USP36: variants seen among roughly 807,000 people sequenced by gnomAD.
The protein encoded by USP36 is ubiquitin carboxyl-terminal hydrolase 36.
Under a neutral mutation model 111.5 loss-of-function variants are expected in USP36, and 59 were observed. The observed-to-expected ratio is 0.53, with a 90% CI of 0.43 to 0.66. USP36 has a LOEUF of 0.66. USP36 is among the 30% of genes least tolerant of loss of function. The probability of loss-of-function intolerance (pLI) is 0.00; values close to 1 mark genes in which losing one functional copy is unlikely to be tolerated. For missense variants in USP36, 1,488 were observed against 1,468.0 expected (o/e 1.01, Z -0.22); for synonymous variants, 628 against 581.0 (o/e 1.08, Z -1.16).
intron 4 of USP36, among the ~76,000 whole-genome samples, chr17:78,829,209 G>A (rs754935178): frequency 2.6e-5 from 4 of 152,284 alleles, no homozygotes; most frequent in African/African-American, 9.6e-5. Context: ...GCTGGATGGC[G>A]TTTGGAAGCT....
chr17:78,806,917 C>G, intron 14 of USP36, 42 bp downstream of exon 14: 2 of 1,594,854 alleles, frequency 1.3e-6, no homozygotes, highest in Middle Eastern at 1.8e-4. Context: ...ACTCTTGGAG[C>G]TCTCCTGATA....
At chr17:78,824,068 A>AGT (rs1317924379) in intron 6 of USP36, among the ~76,000 whole-genome samples, 1 of 152,230 alleles carries the variant, frequency 6.6e-6, no homozygotes, top group African/African-American at 2.4e-5. Context: ...ACACAGTGAG[A>AGT]GTGGCCTCAT....
At chr17:78,827,723 G>C (rs1007607548) in intron 5 of USP36, among the ~76,000 whole-genome samples, 4 of 151,960 alleles carry the variant, frequency 2.6e-5, no homozygotes, top group African/African-American at 9.7e-5. Context: ...GGTAACATAG[G>C]GAGACTTCAT....
At chr17:78,807,863 C>T (rs1013870730) in intron 13 of USP36, among the ~76,000 whole-genome samples, 1 of 152,208 alleles carries the variant, frequency 6.6e-6, no homozygotes, top group Non-Finnish European at 1.5e-5. Flanking sequence ...ACCACCACAC[C>T]TGGCTAATTT....
At chr17:78,790,011 T>C (rs1176020281) in intron 3 of USP36, among the ~76,000 whole-genome samples, 1 of 152,112 alleles carries the variant, frequency 6.6e-6, no homozygotes, top group African/African-American at 2.4e-5. Context: ...ATTCAACAAA[T>C]ATTTACCGGG....
chr17:78,794,463 G>A (rs2093606892), downstream of USP36, among the ~76,000 whole-genome samples: 1 of 152,188 alleles, frequency 6.6e-6, no homozygotes, highest in Non-Finnish European at 1.5e-5. Context: ...CAGAGCTCAT[G>A]ACAGGCTCCT....
chr17:78,839,965 A>G (rs2069099614), intron 1 of USP36, among the ~76,000 whole-genome samples: 1 of 152,200 alleles, frequency 6.6e-6, no homozygotes, highest in Non-Finnish European at 1.5e-5. Flanking sequence ...TCACTTTTCC[A>G]GGATGAACTG....
downstream of USP36, among the ~76,000 whole-genome samples, chr17:78,793,778 G>C (rs934918908): frequency 6.6e-6 from 1 of 152,148 alleles, no homozygotes; most frequent in East Asian, 1.9e-4. Context: ...AGCCCTAACA[G>C]TATGTTAGGG....
chr17:78,824,317 G>A (rs998558980), intron 6 of USP36, among the ~76,000 whole-genome samples: 2 of 152,232 alleles, frequency 1.3e-5, no homozygotes, highest in Non-Finnish European at 2.9e-5. Context: ...AAAGAGCTAG[G>A]AAGTAAAGGG....
At position 78,798,234 on chromosome 17, in the gene USP36, C is replaced by T; in HGVS notation, c.*20+166G>A. On this transcript the variant is annotated intron_variant, in intron 20 of 20. Coordinates refer to ENST00000449938, the MANE Select transcript of USP36 (RefSeq NM_001385174.1). This position sits in a 1 kb window ranked among gnomAD's most constrained non-coding sequence, Gnocchi z 5.1. ...CACACCCTTCTCCAAGTGACTAGGA[C>T]ACACACCACAGACGCGCCCACACCA... is the stretch of plus-strand genomic sequence containing the variant. 1.2e-6 allele frequency: 1 copy of T among 849,996 alleles called. No homozygotes were observed. The highest frequency in any genetic ancestry group is 1.8e-6 in the Non-Finnish European group (1 of 563,092). The allele number at this position is 849,996 out of a possible 1,614,324, so 52.7% of individuals were successfully genotyped here.
Position 78,806,266 on chromosome 17 carries a change from C to A in USP36, c.2106G>T (p.Ala702=). Residue 702 remains alanine, a synonymous_variant, in exon 15 of 21, where the codon GCG becomes GCT. Coordinates refer to ENST00000449938, the MANE Select transcript of USP36 (RefSeq NM_001385174.1). ...GAGGTGGACGGAGGTCATTGCCGGT[C>A]GCCCTCCACAGGGTGCTGGCCTGCA... ...SAKKASTLWR[A]TGNDLRPPPP... is the part of the protein sequence containing the mutation. 1 of 1,613,670 alleles carries A rather than the reference C, an allele frequency of 6.2e-7. No homozygotes were observed. Among genetic ancestry groups the A allele is most frequent in the South Asian group, 1.1e-5 (1 of 91,056 alleles).
At chr17:78,829,402 G>T (rs974072000) in intron 4 of USP36, among the ~76,000 whole-genome samples, 5 of 152,168 alleles carry the variant, frequency 3.3e-5, no homozygotes, top group Admixed American at 1.3e-4. Flanking sequence ...TGCATCACAT[G>T]GTAAATAGGC....
intron 1 of USP36, among the ~76,000 whole-genome samples, chr17:78,840,186 C>G (rs1397841241): frequency 6.6e-6 from 1 of 152,286 alleles, no homozygotes; most frequent in East Asian, 1.9e-4. Flanking sequence ...CGGAGTCTCC[C>G]CTCTCGTGTG....
rs373221256 is a variant in USP36, at chr17:78,803,727, A to G, written c.2468T>C (p.Leu823Pro). 1 of 1,611,944 alleles carries G rather than the reference A, an allele frequency of 6.2e-7. No individual in the cohort carries two copies. The highest frequency in any genetic ancestry group is 1.3e-5 in the African/African-American group (1 of 74,874). Residue 823 changes from leucine (L) to proline (P), a missense_variant, in exon 16 of 21, where the codon CTG becomes CCG. Around this residue, in one of 3 missense-constraint regions of USP36, gnomAD observed 1,073 missense variants for 994.1 expected, o/e 1.08. Transcript: ENST00000449938. The surrounding 1 kb of genome is among the most constrained non-coding windows in gnomAD (Gnocchi z 4.6). ...KKTFVGEPQR[L>P]GSETRLPQHI... ...CTGTGGGAGGCGCGTCTCTGAGCCC[A>G]GCCTCTGCGGCTCTCCCACAAAGGT...
rs892198027 is a variant in USP36 at position 78,826,952 on chromosome 17, T to A, written c.689+293A>T. ...CCCCTAAGAAGGTCTGCTAACATATTTCCCCCTGACTGAGCTGCTCAGACA... is the reference window on the plus strand; with the variant it reads ...CCCCTAAGAAGGTCTGCTAACATATATCCCCCTGACTGAGCTGCTCAGACA... On this transcript the variant is annotated intron_variant, in intron 6 of 20. Transcript: ENST00000449938. 3.3e-5 allele frequency: 20 copies of A among 607,858 alleles called. No individual in the cohort carries two copies. In the East Asian group the frequency reaches 5.5e-4, roughly 17 times the overall value. The allele number at this position is 607,858 out of a possible 1,614,324, so 37.7% of individuals were successfully genotyped here. A position where few individuals can be genotyped will look rare whatever the true frequency, so the allele number is the denominator to read the frequency against.
At chr17:78,810,531 C>T (rs911090587) in intron 13 of USP36, among the ~76,000 whole-genome samples, 4 of 152,148 alleles carry the variant, frequency 2.6e-5, no homozygotes, top group Non-Finnish European at 4.4e-5. Flanking sequence ...CTTCCCACAT[C>T]GGCTTCCCAA....
intron 13 of USP36, among the ~76,000 whole-genome samples, chr17:78,809,194 A>G (rs1474531887): frequency 6.6e-6 from 1 of 152,168 alleles, no homozygotes; most frequent in Non-Finnish European, 1.5e-5. Flanking sequence ...GTTTGTAGTA[A>G]ATTATGTACA....
intron 15 of USP36, 51 bp downstream of exon 15, chr17:78,806,105 A>G: frequency 6.2e-7 from 1 of 1,609,812 alleles, no homozygotes; most frequent in East Asian, 2.2e-5. Context: ...AAGCACACGC[A>G]ACCACAGGGA....
rs969347015 is a variant in USP36 at position 78,798,607 on chromosome 17, C to T, written c.3241-56G>A. On this transcript the variant is annotated intron_variant, in intron 19 of 20. Transcript: ENST00000449938. The surrounding 1 kb of genome is among the most constrained non-coding windows in gnomAD (Gnocchi z 5.1). ...CCAAAAACGGCTCTTTCCTGGCCCA[C>T]GGGGCTCCATGCTGCATGCAGGTCC... The T allele has an allele frequency of 8.1e-6, 13 of 1,602,922 alleles. No homozygotes were observed. Among genetic ancestry groups the T allele is most frequent in the East Asian group, 6.7e-5 (3 of 44,882 alleles).
Sources: gnomAD v4.1 joint callset for allele counts (sites outside exome capture counted in the v4.1 genomes callset) on GRCh38, gnomAD v4.1.1 for gene constraint, gnomAD v4.1.1 regional missense constraint, Gnocchi (gnomAD v3.1) non-coding constraint, MANE v1.5 for transcripts, NCBI Gene and HGNC (gene_info 2026-07-23, HGNC 2026-07-21) for gene names.